Variants in AGPAT2 observed in about 807,000 individuals in gnomAD.
The protein encoded by AGPAT2 is 1-acylglycerol-3-phosphate O-acyltransferase 2.
In AGPAT2, 18 loss-of-function variants were observed where a neutral mutation model predicts 26.1. The ratio of observed to expected loss-of-function variants is 0.69; its 90% CI spans 0.48 to 1.02. The LOEUF (loss-of-function observed/expected upper bound fraction) is 1.02. Among genes scored for constraint, AGPAT2 ranks in the 50% least tolerant of loss-of-function variants. The pLI is 0.00. For synonymous variants in AGPAT2, 200 were observed against 174.2 expected, an observed-to-expected ratio of 1.15 and a Z score of -1.16; for missense variants, 415 against 394.9, an observed-to-expected ratio of 1.05 and a Z score of -0.43.
At chr9:136,676,556 C>A in intron 4 of AGPAT2, 29 bp downstream of exon 4, 2 of 1,590,930 alleles carry the variant, frequency 1.3e-6, no homozygotes, top group South Asian at 1.1e-5. Flanking sequence ...CAGCCTGCAC[C>A]CACCCAGGGA....
intron 1 of AGPAT2, 99 bp downstream of exon 1, chr9:136,687,077 G>A: frequency 7.4e-7 from 1 of 1,358,498 alleles, no homozygotes; most frequent in Non-Finnish European, 9.8e-7. Flanking sequence ...GAGCGGGGCG[G>A]GACGGGCGGG....
intron 1 of AGPAT2, among the ~76,000 whole-genome samples, chr9:136,679,595 C>A (rs931372139): frequency 1.3e-5 from 2 of 152,210 alleles, no homozygotes; most frequent in African/African-American, 4.8e-5. Context: ...TCCCGGACCC[C>A]TGTGACGCTC....
rs56393704 is a variant in AGPAT2, at chr9:136,674,235, C to T, written c.662-308G>A. 0.081 allele frequency among the ~76,000 whole-genome samples: 12,354 copies of T among 152,328 alleles called. 684 individuals carry two copies. The highest frequency in any genetic ancestry group is 0.17 in the Middle Eastern group (51 of 294). Reference sequence around the variant, plus strand: ...CACTGCCTGGCCTCTGCCCTCCATACGGGGCGAGGGGCTGTGGGAGAGATG... The same window carrying T: ...CACTGCCTGGCCTCTGCCCTCCATATGGGGCGAGGGGCTGTGGGAGAGATG... On this transcript the variant is annotated intron_variant, in intron 5 of 5. Transcript: ENST00000371696.
intron 1 of AGPAT2, 80 bp from the exon 2 acceptor site, chr9:136,677,636 G>A: frequency 6.3e-7 from 1 of 1,576,108 alleles, no homozygotes; most frequent in Non-Finnish European, 8.7e-7. Context: ...GGGGTGGGGT[G>A]TGGAGGAGGC....
At chr9:136,679,510 C>T (rs1316739849) in intron 1 of AGPAT2, among the ~76,000 whole-genome samples, 6 of 152,200 alleles carry the variant, frequency 3.9e-5, no homozygotes, top group East Asian at 3.8e-4. Flanking sequence ...AAGGCACACC[C>T]GGGCTGGTAG....
intron 1 of AGPAT2, among the ~76,000 whole-genome samples, chr9:136,686,313 CAG>C (rs947650087): frequency 1.3e-5 from 2 of 152,234 alleles, no homozygotes; most frequent in African/African-American, 4.8e-5. Flanking sequence ...GCAGTCCAAA[CAG>C]GGCAGGGAGA....
intron 4 of AGPAT2, among the ~76,000 whole-genome samples, chr9:136,676,332 G>A (rs1182346856): frequency 1.3e-5 from 2 of 152,328 alleles, no homozygotes; most frequent in South Asian, 2.1e-4. Context: ...CGCAGGCCAA[G>A]CACTGGGTGC....
chr9:136,683,121 T>A (rs1846183258), intron 1 of AGPAT2, among the ~76,000 whole-genome samples: 1 of 151,876 alleles, frequency 6.6e-6, no homozygotes, highest in Non-Finnish European at 1.5e-5. Flanking sequence ...CGGTGGCTCA[T>A]GCCTGTGACC....
intron 3 of AGPAT2, 49 bp downstream of exon 3, chr9:136,676,912 C>T: frequency 1.4e-6 from 2 of 1,473,308 alleles, no homozygotes; most frequent in Non-Finnish European, 9.4e-7. Context: ...CTGCCTGGCC[C>T]CGCCCAGGCC....
chr9:136,684,102 C>A (rs1028651901), intron 1 of AGPAT2, among the ~76,000 whole-genome samples: 20 of 152,186 alleles, frequency 1.3e-4, no homozygotes, highest in South Asian at 2.1e-4. Flanking sequence ...GAAGAGCACC[C>A]CTTTTCTGTC....
At chr9:136,677,640 A>T in intron 1 of AGPAT2, 84 bp from the exon 2 acceptor site, 21 of 1,492,610 alleles carry the variant, frequency 1.4e-5, no homozygotes, top group East Asian at 2.4e-5. Flanking sequence ...TGGGGTGTGG[A>T]GGAGGCTGGG....
chr9:136,674,878 T>A, intron 4 of AGPAT2, 71 bp from the exon 5 acceptor site: 1 of 1,191,934 alleles, frequency 8.4e-7, no homozygotes, highest in Non-Finnish European at 1.1e-6. Flanking sequence ...CTGCATGTGG[T>A]TGGGGAGCCC....
intron 1 of AGPAT2, among the ~76,000 whole-genome samples, chr9:136,679,614 C>T (rs547542558): frequency 3.9e-5 from 6 of 152,280 alleles, no homozygotes; most frequent in Middle Eastern, 6.8e-3. Context: ...TCCAAGAAGA[C>T]GAGGAGGCAA....
rs145975461 is a variant in AGPAT2, at chr9:136,673,873, G to C, written c.716C>G (p.Ala239Gly). 2 of 1,603,218 alleles carry C rather than the reference G, an allele frequency of 1.2e-6. No homozygotes were observed. Among genetic ancestry groups the C allele is most frequent in the African/African-American group, 2.7e-5 (2 of 74,850 alleles). Residue 239 changes from alanine (A) to glycine (G), a missense_variant, in exon 6 of 6, where the codon GCG becomes GGG. Transcript: ENST00000371696. ...EAIPTSGLTA[A>G]DVPALVDTCH... ...GGTGTCCACGAGCGCAGGGACGTCC[G>C]CCGCAGTGAGGCCGCTGGTGGGGAT... is the stretch of plus-strand genomic sequence containing the variant.
intron 1 of AGPAT2, among the ~76,000 whole-genome samples, chr9:136,680,320 G>A (rs186167829): frequency 0.015 from 2,215 of 152,224 alleles, 23 homozygotes; most frequent in Non-Finnish European, 0.021. Context: ...TCTGCCTCCC[G>A]GGTTCAAGCA....
At chr9:136,686,020 T>C (rs943430695) in intron 1 of AGPAT2, among the ~76,000 whole-genome samples, 2 of 152,162 alleles carry the variant, frequency 1.3e-5, no homozygotes, top group Non-Finnish European at 2.9e-5. Flanking sequence ...ACATCACCAC[T>C]GGTCACACAC....
chr9:136,678,573 TG>T (rs1846122278), intron 1 of AGPAT2, among the ~76,000 whole-genome samples: 1 of 152,202 alleles, frequency 6.6e-6, no homozygotes, highest in Admixed American at 6.5e-5. Flanking sequence ...CTGCCAGTGC[TG>T]CTCCCCTCTC....
rs200664359 is a variant in AGPAT2, at chr9:136,677,030, G to C, written c.423C>G (p.Ile141Met). The C allele has an allele frequency of 6.2e-7, 1 of 1,612,964 alleles. No homozygotes were observed. The highest frequency in any genetic ancestry group is 2.2e-5 in the East Asian group (1 of 44,852). ...LIMYLGGVFF[I>M]NRQRSSTAMT... ...TGGCAGTGCTAGAGCGCTGCCGGTT[G>C]ATGAAGAAGACGCCCCCGAGGTACA... is the stretch of plus-strand genomic sequence containing the variant. Residue 141 changes from isoleucine to methionine, a missense_variant, in exon 3 of 6, where the codon ATC becomes ATG. Ile to Met is a conservative substitution (Grantham distance 10). Coordinates refer to ENST00000371696, the MANE Select transcript of AGPAT2 (RefSeq NM_006412.4).
At chr9:136,681,179 G>C (rs922275909) in intron 1 of AGPAT2, among the ~76,000 whole-genome samples, 2 of 151,666 alleles carry the variant, frequency 1.3e-5, no homozygotes, top group Non-Finnish European at 2.9e-5. Context: ...TGAAAGACAC[G>C]GGGTACAAAC....
Sources: gnomAD v4.1 joint callset for allele counts (sites outside exome capture counted in the v4.1 genomes callset) on GRCh38, gnomAD v4.1.1 for gene constraint, MANE v1.5 for transcripts, NCBI Gene and HGNC (gene_info 2026-07-23, HGNC 2026-07-21) for gene names.